The following MMP26 variants were observed in gnomAD, a reference collection of about 807,000 sequenced individuals.
The protein encoded by MMP26 is matrix metallopeptidase 26.
Under a neutral mutation model 31.0 loss-of-function variants are expected in MMP26, and 33 were observed. The ratio of observed to expected loss-of-function variants is 1.06; its 90% confidence interval spans 0.81 to 1.42. The LOEUF is 1.42. MMP26 is among the 40% of genes most tolerant of loss of function. The pLI is 0.00. For synonymous variants in MMP26, 122 were observed against 114.9 expected (o/e 1.06, Z -0.40); for missense variants, 347 against 316.1 (o/e 1.10, Z -0.74).
chr11:4,819,102 G>A (rs1227677201), intron 2 of MMP26, among the ~76,000 whole-genome samples: 1 of 152,132 alleles, frequency 6.6e-6, no homozygotes, highest in East Asian at 1.9e-4. Context: ...AATGGTATAG[G>A]AGGAAAAACA....
intron 2 of MMP26, among the ~76,000 whole-genome samples, chr11:4,807,988 T>A (rs550245428): frequency 3.5e-4 from 54 of 152,202 alleles, no homozygotes; most frequent in Middle Eastern, 3.4e-3. Context: ...GTATTTTTAA[T>A]AGAGACAGGG....
intron 2 of MMP26, among the ~76,000 whole-genome samples, chr11:4,956,702 T>A (rs1589950352): frequency 6.6e-6 from 1 of 152,148 alleles, no homozygotes; most frequent in African/African-American, 2.4e-5. Context: ...CCCGGACCCA[T>A]TAGACATCGC....
intron 2 of MMP26, chr11:4,822,521 T>A: frequency 1.4e-6 from 1 of 722,484 alleles, no homozygotes; most frequent in East Asian, 3.2e-5. Context: ...TCAATTTCTT[T>A]GTCAATAAAT....
At chr11:4,849,898 G>GT (rs1357122596) in intron 2 of MMP26, among the ~76,000 whole-genome samples, 1 of 152,014 alleles carries the variant, frequency 6.6e-6, no homozygotes, top group African/African-American at 2.4e-5. Flanking sequence ...GGTGCATGTG[G>GT]TATTTTGTTA....
At chr11:4,835,274 CTTTG>C (rs201609929) in intron 2 of MMP26, among the ~76,000 whole-genome samples, 2 of 150,848 alleles carry the variant, frequency 1.3e-5, no homozygotes, top group East Asian at 1.9e-4. Context: ...TCCTGGAGAG[CTTTG>C]TTTATCAAGT....
chr11:4,879,661 C>A (rs529865254), intron 2 of MMP26, among the ~76,000 whole-genome samples: 2 of 152,124 alleles, frequency 1.3e-5, no homozygotes, highest in East Asian at 1.9e-4. Flanking sequence ...TAAGACAATG[C>A]GTTTGAAAGA....
At chr11:4,892,817 G>T (rs551709347) in intron 2 of MMP26, among the ~76,000 whole-genome samples, 4 of 152,068 alleles carry the variant, frequency 2.6e-5, no homozygotes, top group Non-Finnish European at 4.4e-5. Flanking sequence ...TGATGTATTT[G>T]CCTTCTAGTT....
chr11:4,831,937 C>T (rs1413409110), intron 2 of MMP26, among the ~76,000 whole-genome samples: 1 of 152,068 alleles, frequency 6.6e-6, no homozygotes. Flanking sequence ...TGTGATGAAC[C>T]TGTTTAAATA....
chr11:4,973,796 G>A (rs948328397), intron 2 of MMP26: 1 of 154,190 alleles, frequency 6.5e-6, no homozygotes, highest in Non-Finnish European at 1.5e-5. Flanking sequence ...TATGGGGATA[G>A]AGATCCAAAT....
intron 2 of MMP26, among the ~76,000 whole-genome samples, chr11:4,892,702 C>T (rs1850642483): frequency 6.6e-6 from 1 of 152,102 alleles, no homozygotes; most frequent in South Asian, 2.1e-4. Flanking sequence ...AAAGAAAGTA[C>T]TATCTATAAT....
intron 2 of MMP26, among the ~76,000 whole-genome samples, chr11:4,941,630 A>G (rs1473612585): frequency 6.6e-6 from 1 of 152,230 alleles, no homozygotes; most frequent in East Asian, 1.9e-4. Context: ...CTGGTCATCC[A>G]AGACCATCAT....
chr11:4,768,929 A>T, intron 2 of MMP26: 1 of 1,282,920 alleles, frequency 7.8e-7, no homozygotes. Context: ...TCGCTTTTCT[A>T]CAGTGCAAGT....
Position 4,949,560 on chromosome 11 carries a change from C to T in MMP26, c.-144-38508C>T, listed in dbSNP as rs1379628870. Among the ~76,000 whole-genome samples the T allele has an allele frequency of 7.4e-5, 9 of 122,136 alleles. 2 individuals carry two copies. The highest frequency in any genetic ancestry group is 2.5e-4 in the African/African-American group (9 of 36,280). 80.1% of individuals were successfully genotyped at this position (122,136 alleles called of 152,430 possible). On this transcript the variant is annotated intron_variant, in intron 2 of 7. Coordinates refer to ENST00000380390, the MANE Select transcript of MMP26 (RefSeq NM_021801.5). ...TCATACAGATGAGATACAGCTAAAG[C>T]AGTTCCTATACAGAAAATTATAGGT...
chr11:4,974,509 T>C (rs1438467361), intron 2 of MMP26, among the ~76,000 whole-genome samples: 2 of 152,096 alleles, frequency 1.3e-5, no homozygotes, highest in Admixed American at 1.3e-4. Flanking sequence ...ATCATTATGA[T>C]TTTATTGCTA....
At chr11:4,857,987 T>C (rs1850081676) in intron 2 of MMP26, among the ~76,000 whole-genome samples, 1 of 152,124 alleles carries the variant, frequency 6.6e-6, no homozygotes, top group South Asian at 2.1e-4. Flanking sequence ...CATGATTATC[T>C]CAATAGATGC....
intron 1 of MMP26, among the ~76,000 whole-genome samples, chr11:4,731,468 A>G (rs148755764): frequency 3.3e-5 from 5 of 152,322 alleles, no homozygotes; most frequent in African/African-American, 1.2e-4. Context: ...ATCCACTGGC[A>G]TAAGGACTAC....
intron 2 of MMP26, among the ~76,000 whole-genome samples, chr11:4,850,650 A>G (rs1051586540): frequency 6.6e-6 from 1 of 152,034 alleles, no homozygotes; most frequent in Non-Finnish European, 1.5e-5. Context: ...GGATAATGAT[A>G]TAGATACAAG....
intron 2 of MMP26, among the ~76,000 whole-genome samples, chr11:4,867,161 A>G (rs1208804920): frequency 6.6e-6 from 1 of 152,194 alleles, no homozygotes; most frequent in Non-Finnish European, 1.5e-5. Flanking sequence ...ACAGAAAAGG[A>G]GAAAACTTTT....
At chr11:4,827,601 C>G (rs773885097) in intron 2 of MMP26, among the ~76,000 whole-genome samples, 49 of 151,608 alleles carry the variant, frequency 3.2e-4, no homozygotes, top group Non-Finnish European at 5.2e-4. Flanking sequence ...TAAGTTTACA[C>G]CCTTTTATGT....
Sources: gnomAD v4.1 joint callset for allele counts (sites outside exome capture counted in the v4.1 genomes callset) on GRCh38, gnomAD v4.1.1 for gene constraint, MANE v1.5 for transcripts, NCBI Gene and HGNC (gene_info 2026-07-23, HGNC 2026-07-21) for gene names.